Variants in SLC22A24 observed in about 807,000 individuals in gnomAD.
SLC22A24 encodes the protein steroid transmembrane transporter SLC22A24.
SLC22A24 carries 53 observed loss-of-function variants against 49.8 expected under a neutral mutation model. The ratio of observed to expected loss-of-function variants is 1.06; its 90% confidence interval spans 0.85 to 1.34. SLC22A24 has a LOEUF of 1.34. Among genes scored for constraint, SLC22A24 ranks in the 40% most tolerant of loss-of-function variants. The pLI is 0.00. For missense variants in SLC22A24, 786 were observed against 675.9 expected, an observed-to-expected ratio of 1.16 and a Z score of -1.81; for synonymous variants, 302 against 256.4, an observed-to-expected ratio of 1.18 and a Z score of -1.70.
intron 2 of SLC22A24, among the ~76,000 whole-genome samples, chr11:63,133,223 C>T (rs1289523793): frequency 2.0e-5 from 3 of 152,166 alleles, no homozygotes; most frequent in Non-Finnish European, 4.4e-5. Context: ...GTCTGTCACA[C>T]CTTCCCTTGG....
intron 2 of SLC22A24, among the ~76,000 whole-genome samples, chr11:63,120,125 A>T (rs979480055): frequency 3.3e-5 from 5 of 151,048 alleles, no homozygotes; most frequent in African/African-American, 1.2e-4. Context: ...CTTTAGTTTA[A>T]TTAGATCCCA....
intron 5 of SLC22A24, among the ~76,000 whole-genome samples, chr11:63,099,319 C>T (rs925202332): frequency 4.7e-5 from 7 of 150,036 alleles, no homozygotes; most frequent in Non-Finnish European, 5.9e-5. Flanking sequence ...CATCTCACCC[C>T]CTGAGCAGCT....
intron 6 of SLC22A24, among the ~76,000 whole-genome samples, chr11:63,089,847 C>T (rs1455671864): frequency 3.9e-5 from 6 of 151,998 alleles, no homozygotes; most frequent in East Asian, 1.9e-4. Context: ...TTTGGGAGGC[C>T]GAGGCGGGTG....
chr11:63,092,228 T>C (rs909907659), intron 6 of SLC22A24, among the ~76,000 whole-genome samples: 30 of 151,430 alleles, frequency 2.0e-4, no homozygotes, highest in Non-Finnish European at 3.7e-4. Flanking sequence ...AAGAACTACA[T>C]ACCAGTGCTC....
chr11:63,115,591 A>C (rs1043604479), intron 4 of SLC22A24, among the ~76,000 whole-genome samples: 2 of 152,166 alleles, frequency 1.3e-5, no homozygotes, highest in African/African-American at 4.8e-5. Context: ...AAGCAGTCCC[A>C]GTGATATGAA....
At chr11:63,127,723 T>A (rs1242835175) in intron 2 of SLC22A24, among the ~76,000 whole-genome samples, 1 of 152,226 alleles carries the variant, frequency 6.6e-6, no homozygotes, top group Non-Finnish European at 1.5e-5. Context: ...ATTTCTCTGA[T>A]GACTAGTGAT....
At chr11:63,083,494 A>C (rs1407460755) in intron 6 of SLC22A24, 37 bp from the exon 7 acceptor site, 9 of 1,481,926 alleles carry the variant, frequency 6.1e-6, no homozygotes, top group Non-Finnish European at 8.3e-6. Flanking sequence ...ATATTCAATA[A>C]GATTTAAAGC....
intron 6 of SLC22A24, among the ~76,000 whole-genome samples, chr11:63,095,455 C>T (rs1481024400): frequency 6.6e-6 from 1 of 152,120 alleles, no homozygotes; most frequent in Non-Finnish European, 1.5e-5. Flanking sequence ...TTTAAAGGTA[C>T]ACAGATAGCA....
In SLC22A24 at chr11:63,134,734, G is replaced by A. The variant is rs1414648657; in HGVS notation, c.437C>T (p.Ser146Leu). The change falls in exon 2 of 10, where the codon TCA becomes TTA. Residue 146 changes from serine to leucine, a missense_variant. Physicochemically the swap from Ser to Leu is moderately radical, Grantham distance 145 (BLOSUM62 -2). Coordinates refer to ENST00000612278, the MANE Select transcript of SLC22A24 (RefSeq NM_001136506.2). ...DLVCESQSLK[S>L]MVQSLFMAGS... ...AGCCATAAATAGGGATTGAACCATT[G>A]ATTTTAGTGACTGAGATTCACATAC... 6.4e-7 allele frequency: 1 copy of A among 1,570,196 alleles called. No homozygotes were observed. The highest frequency in any genetic ancestry group is 2.3e-5 in the East Asian group (1 of 42,838).
Position 63,081,071 on chromosome 11 carries a change from C to G in SLC22A24, c.1447G>C (p.Ala483Pro), listed in dbSNP as rs1366680010. Residue 483 changes from alanine (A) to proline (P), a missense_variant, in exon 9 of 10, where the codon GCT becomes CCT. Physicochemically the swap from Ala to Pro is conservative, Grantham distance 27. Coordinates refer to ENST00000612278, the MANE Select transcript of SLC22A24 (RefSeq NM_001136506.2). ...GCCATTAAGGTCATCAACAGAGGAGCCAGTGCTGCCCCAGTCCTACCGGAC... is the reference window on the plus strand; with the variant it reads ...GCCATTAAGGTCATCAACAGAGGAGGCAGTGCTGCCCCAGTCCTACCGGAC... ...AVSGRTGAAL[A>P]PLLMTLMAYS... The G allele has an allele frequency of 2.6e-6, 4 of 1,551,648 alleles. No individual in the cohort carries two copies. In the South Asian group the frequency reaches 3.6e-5, roughly 14 times the overall value.
intron 7 of SLC22A24, among the ~76,000 whole-genome samples, chr11:63,082,831 A>G (rs943780112): frequency 2.6e-5 from 4 of 152,254 alleles, no homozygotes; most frequent in Non-Finnish European, 4.4e-5. Context: ...CAAAAATTAG[A>G]AAGTGTCCTA....
chr11:63,106,881 C>T (rs928943169), intron 4 of SLC22A24, among the ~76,000 whole-genome samples: 8 of 152,066 alleles, frequency 5.3e-5, no homozygotes, highest in Non-Finnish European at 7.4e-5. Context: ...TTTTAGGTTG[C>T]CTGTTCACTC....
chr11:63,083,597 G>T, intron 6 of SLC22A24, 140 bp from the exon 7 acceptor site: 1 of 649,454 alleles, frequency 1.5e-6, no homozygotes, highest in East Asian at 2.8e-5. Context: ...TTTTAAAAAA[G>T]GGATCATTCT....
rs537222002 is a variant in SLC22A24, at chr11:63,126,609, T to C, written c.507-7274A>G. 2.6e-5 allele frequency among the ~76,000 whole-genome samples: 4 copies of C among 152,210 alleles called. No homozygotes were observed. The East Asian group carries it at 7.7e-4, about 29-fold the overall frequency. ...AGGTAGCGTGTTGCCTCCAGCTTTA[T>C]TCTTTTTGCTAAGGATTTTCTTAGC... On this transcript the variant is annotated intron_variant, in intron 2 of 9. Transcript: ENST00000612278.
At chr11:63,091,061 A>G (rs2087017548) in intron 6 of SLC22A24, among the ~76,000 whole-genome samples, 1 of 150,286 alleles carries the variant, frequency 6.7e-6, no homozygotes, top group Non-Finnish European at 1.5e-5. Flanking sequence ...AAGAAAAGAG[A>G]GAAAAAGAGG....
At chr11:63,125,037 G>A (rs913874406) in intron 2 of SLC22A24, among the ~76,000 whole-genome samples, 6 of 151,590 alleles carry the variant, frequency 4.0e-5, no homozygotes, top group Admixed American at 3.3e-4. Context: ...ACACCAGCAT[G>A]GCACATGTAT....
intron 4 of SLC22A24, among the ~76,000 whole-genome samples, chr11:63,111,661 TG>T (rs1392387892): frequency 6.6e-6 from 1 of 150,654 alleles, no homozygotes; most frequent in Non-Finnish European, 1.5e-5. Flanking sequence ...TATTCTCTGA[TG>T]GTAGTTTGTA....
chr11:63,081,010 A>G lies in SLC22A24; in HGVS notation c.1508T>C (p.Val503Ala), dbSNP rs1418950465. 4.5e-6 allele frequency: 7 copies of G among 1,551,552 alleles called. No individual in the cohort carries two copies. Among genetic ancestry groups the G allele is most frequent in the African/African-American group, 1.4e-5 (1 of 72,970 alleles). Residue 503 changes from valine to alanine, a missense_variant, in exon 9 of 10, where the codon GTC becomes GCC. Coordinates refer to ENST00000612278, the MANE Select transcript of SLC22A24 (RefSeq NM_001136506.2). ...AACAGGGACAGCAAGGATGGGGAAG[A>G]CTCCATAGGAAATCCAGGGTAGGTG... ...SPHLPWISYG[V>A]FPILAVPVIL...
intron 6 of SLC22A24, among the ~76,000 whole-genome samples, chr11:63,089,131 T>C (rs1185312730): frequency 6.6e-6 from 1 of 151,958 alleles, no homozygotes; most frequent in Non-Finnish European, 1.5e-5. Flanking sequence ...TGTCAGATTC[T>C]CCAAGATTGA....
Sources: allele counts gnomAD v4.1 joint callset (sites outside exome capture counted in the v4.1 genomes callset), GRCh38; gene constraint gnomAD v4.1.1; transcripts MANE v1.5; gene names NCBI Gene and HGNC (gene_info 2026-07-23, HGNC 2026-07-21).